The following ADCY3 variants were observed in gnomAD, a reference collection of about 807,000 sequenced individuals.
The protein encoded by ADCY3 is adenylate cyclase 3, also known as adenylate cyclase type 3.
ADCY3 carries 70 observed loss-of-function variants against 119.4 expected under a neutral mutation model. The ratio of observed to expected loss-of-function variants is 0.59; its 90% CI spans 0.48 to 0.72. The LOEUF (loss-of-function observed/expected upper bound fraction) is 0.72, where lower values mean the gene tolerates loss of function less well. Ranked by LOEUF, ADCY3 falls within the 30% of genes least tolerant of loss-of-function variation. The pLI is 0.00. For synonymous variants in ADCY3, 672 were observed against 621.4 expected (o/e 1.08, Z -1.21); for missense variants, 1,238 against 1,541.6 (o/e 0.80, Z 3.30).
At chr2:24,894,891 G>C (rs1395610692) in intron 2 of ADCY3, among the ~76,000 whole-genome samples, 5 of 152,054 alleles carry the variant, frequency 3.3e-5, no homozygotes, top group Non-Finnish European at 1.5e-5. Context: ...TAGAATTCTA[G>C]ATTGACCTAC....
chr2:24,866,992 T>G lies in ADCY3; in HGVS notation c.825+5578A>C, dbSNP rs570958390. ...TTGAGTCCTAGAGGAAAGGAGCGAA[T>G]GGGAAGAAGCAATAAAAAGATACTG... On this transcript the variant is annotated intron_variant, in intron 3 of 21. Transcript: ENST00000679454. Among the ~76,000 whole-genome samples the G allele has an allele frequency of 1.9e-3, 283 of 152,212 alleles. 2 individuals are homozygous for G. Among genetic ancestry groups the G allele is most frequent in the African/African-American group, 6.4e-3 (265 of 41,524 alleles).
At chr2:24,870,483 T>C (rs1399247859) in intron 3 of ADCY3, among the ~76,000 whole-genome samples, 2 of 152,174 alleles carry the variant, frequency 1.3e-5, no homozygotes, top group South Asian at 2.1e-4. Context: ...GCTCCGGCTG[T>C]GTGCCCAGCT....
intron 8 of ADCY3, among the ~76,000 whole-genome samples, chr2:24,837,636 C>T: frequency 6.6e-6 from 1 of 152,178 alleles, no homozygotes; most frequent in Non-Finnish European, 1.5e-5. Context: ...GATGGACTCT[C>T]ATAACTGGAG....
intron 2 of ADCY3, among the ~76,000 whole-genome samples, chr2:24,901,003 T>TG (rs1362005760): frequency 1.3e-5 from 2 of 152,096 alleles, no homozygotes; most frequent in South Asian, 4.1e-4. Context: ...AGGCAGAGGT[T>TG]GCAGTGAGCC....
At chr2:24,895,148 T>C (rs1678106933) in intron 2 of ADCY3, among the ~76,000 whole-genome samples, 1 of 152,138 alleles carries the variant, frequency 6.6e-6, no homozygotes, top group South Asian at 2.1e-4. Context: ...TGGAGTGCAG[T>C]GGTGCAATCT....
chr2:24,838,856 A>T (rs1327747615), intron 7 of ADCY3: 1 of 1,604,702 alleles, frequency 6.2e-7, no homozygotes, highest in Non-Finnish European at 8.5e-7. Context: ...CTCCCATCTC[A>T]GCCTCAGTGT....
chr2:24,824,692 C>G (rs1444659860), intron 16 of ADCY3, among the ~76,000 whole-genome samples, 156 bp from the exon 17 acceptor site: 1 of 152,168 alleles, frequency 6.6e-6, no homozygotes, highest in Non-Finnish European at 1.5e-5. Context: ...AGTTCGAGAC[C>G]AGCCTGACCA....
intron 16 of ADCY3, among the ~76,000 whole-genome samples, chr2:24,825,332 G>T (rs1558403951): frequency 2.8e-5 from 1 of 35,606 alleles, no homozygotes; most frequent in Non-Finnish European, 7.4e-5. Flanking sequence ...CGGTGGTTGT[G>T]GCGGGGGGGG....
intron 2 of ADCY3, among the ~76,000 whole-genome samples, chr2:24,908,892 GC>G (rs59497807): frequency 0.2 from 30,267 of 151,902 alleles, 4,897 homozygotes; most frequent in African/African-American, 0.45. Flanking sequence ...CATGCTGAGG[GC>G]CCCCCCGACA....
At chr2:24,866,583 A>AG (rs1197692994) in intron 3 of ADCY3, among the ~76,000 whole-genome samples, 1 of 150,232 alleles carries the variant, frequency 6.7e-6, no homozygotes, top group African/African-American at 2.4e-5. Context: ...AAAAAAAAAA[A>AG]AAGAAAAAAA....
In ADCY3 at chr2:24,841,208, G is replaced by A. The variant is rs988463147; in HGVS notation, c.1196+51C>T. On this transcript the variant is annotated intron_variant, in intron 6 of 21. Transcript: ENST00000679454. The surrounding 1 kb of genome is among the most constrained non-coding windows in gnomAD (Gnocchi z 5.8). ...GAAGACCTGCTTCTCCCTGGGTCCA[G>A]GGCCGGGGCCCTTGCTCTGGGAGCC... 1.3e-6 allele frequency: 2 copies of A among 1,518,604 alleles called. No homozygotes were observed. The highest frequency in any genetic ancestry group is 2.1e-5 in the Admixed American group (1 of 48,672). 94.1% of individuals were successfully genotyped at this position (1,518,604 alleles called of 1,614,324 possible). A position where few individuals can be genotyped will look rare whatever the true frequency, so the allele number is the denominator to read the frequency against.
intron 3 of ADCY3, among the ~76,000 whole-genome samples, chr2:24,863,074 C>T (rs572833315): frequency 6.6e-6 from 1 of 152,124 alleles, no homozygotes; most frequent in African/African-American, 2.4e-5. Context: ...TCTCAAATAT[C>T]AGGACCAAAA....
intron 2 of ADCY3, among the ~76,000 whole-genome samples, chr2:24,901,949 T>C (rs1487061461): frequency 2.6e-5 from 4 of 152,120 alleles, no homozygotes; most frequent in Admixed American, 6.6e-5. Context: ...AATGTATATA[T>C]GTATGCACAA....
intron 3 of ADCY3, among the ~76,000 whole-genome samples, chr2:24,851,639 C>T (rs1054897099): frequency 3.3e-5 from 5 of 152,124 alleles, no homozygotes; most frequent in Non-Finnish European, 5.9e-5. Flanking sequence ...ATGTGAAGGT[C>T]CCCCCAGTGC....
chr2:24,918,694 C>T lies in ADCY3; in HGVS notation c.294G>A (p.Val98=). Residue 98 remains valine (V), a synonymous_variant, in exon 2 of 22, where the codon GTG becomes GTA. Transcript: ENST00000679454. The surrounding 1 kb of genome is among the most constrained non-coding windows in gnomAD (Gnocchi z 5.4). ...AAGCCAGCTTGTCGCTGGAGAAGACCACAGCACACATGACCACCACGTAGC... is the reference window on the plus strand; with the variant it reads ...AAGCCAGCTTGTCGCTGGAGAAGACTACAGCACACATGACCACCACGTAGC... ...FDCYVVVMCA[V]VFSSDKLASL... The T allele has an allele frequency of 6.2e-7, 1 of 1,614,064 alleles. No individual in the cohort carries two copies. The highest frequency in any genetic ancestry group is 8.5e-7 in the Non-Finnish European group (1 of 1,179,998).
At position 24,861,667 on chromosome 2, in the gene ADCY3, A is replaced by T. The variant is rs560177564; in HGVS notation, c.825+10903T>A. 1.8e-3 allele frequency among the ~76,000 whole-genome samples: 280 copies of T among 152,286 alleles called. 1 individual carries two copies. The highest frequency in any genetic ancestry group is 6.3e-3 in the African/African-American group (262 of 41,558). ...CTCAGCTCCGAAGACCCGTCAGCTG[A>T]TGTTTCTGAAACGTCAAATCAGCCC... On this transcript the variant is annotated intron_variant, in intron 3 of 21. Coordinates refer to ENST00000679454, the MANE Select transcript of ADCY3 (RefSeq NM_004036.5).
chr2:24,843,346 C>T (rs1671269603), intron 3 of ADCY3, among the ~76,000 whole-genome samples: 1 of 152,184 alleles, frequency 6.6e-6, no homozygotes, highest in Non-Finnish European at 1.5e-5. Context: ...GATCCTCCCA[C>T]CTCAACCTCT....
At chr2:24,912,483 C>T (rs1663839950) in intron 2 of ADCY3, among the ~76,000 whole-genome samples, 1 of 152,074 alleles carries the variant, frequency 6.6e-6, no homozygotes, top group Admixed American at 6.5e-5. Flanking sequence ...CCCTGGCATC[C>T]CAGCCATTCC....
intron 2 of ADCY3, among the ~76,000 whole-genome samples, chr2:24,911,218 T>C (rs902217066): frequency 1.4e-5 from 1 of 73,498 alleles, no homozygotes; most frequent in African/African-American, 9.8e-5. Context: ...ATAAGGGTTC[T>C]TTTTTTTTTT....
Sources: allele counts gnomAD v4.1 joint callset (sites outside exome capture counted in the v4.1 genomes callset), GRCh38; gene constraint gnomAD v4.1.1; non-coding constraint Gnocchi (gnomAD v3.1); transcripts MANE v1.5; gene names NCBI Gene and HGNC (gene_info 2026-07-23, HGNC 2026-07-21).